Variants in NRG3 observed in about 807,000 individuals in gnomAD.
NRG3 encodes pro-neuregulin-3, membrane-bound isoform.
Under a neutral mutation model 66.9 loss-of-function variants are expected in NRG3, and 31 were observed. That is an observed-to-expected ratio of 0.46 (90% CI 0.35 to 0.63). NRG3 has a LOEUF of 0.63. Ranked by LOEUF, NRG3 falls within the 20% of genes least tolerant of loss-of-function variation. NRG3 has a pLI of 0.00. For missense variants in NRG3, 910 were observed against 878.9 expected (o/e 1.04, Z -0.45); for synonymous variants, 393 against 359.4 (o/e 1.09, Z -1.06).
intron 1 of NRG3, among the ~76,000 whole-genome samples, chr10:82,233,994 T>C (rs117966994): frequency 0.04 from 6,098 of 152,176 alleles, 157 homozygotes; most frequent in Non-Finnish European, 0.064. Context: ...CCCATCATAT[T>C]CTCCACATTT....
At chr10:81,996,133 G>A (rs1161447897) in intron 1 of NRG3, among the ~76,000 whole-genome samples, 1 of 152,166 alleles carries the variant, frequency 6.6e-6, no homozygotes, top group African/African-American at 2.4e-5. Context: ...ATATCACATA[G>A]TGTGTTAGCT....
At position 82,802,427 on chromosome 10, in the gene NRG3, G is replaced by A. The variant is rs555837926; in HGVS notation, c.1028-62984G>A. ...GAAAACAAACATGCTGATCAAGGGG[G>A]TCAAATTGGTGAGCTCAGGTTTAAT... is the stretch of plus-strand genomic sequence containing the variant. On this transcript the variant is annotated intron_variant, in intron 3 of 8. Transcript: ENST00000372141. 9.2e-5 allele frequency among the ~76,000 whole-genome samples: 14 copies of A among 152,248 alleles called. No homozygotes were observed. In the East Asian group the frequency reaches 2.7e-3, roughly 29 times the overall value.
At chr10:82,343,174 C>T (rs1385772265) in intron 1 of NRG3, among the ~76,000 whole-genome samples, 2 of 151,882 alleles carry the variant, frequency 1.3e-5, no homozygotes, top group African/African-American at 4.8e-5. Flanking sequence ...ATAAATGGTA[C>T]AGAATGGAGA....
At chr10:82,088,015 A>G (rs977887850) in intron 1 of NRG3, among the ~76,000 whole-genome samples, 2 of 152,120 alleles carry the variant, frequency 1.3e-5, no homozygotes, top group African/African-American at 4.8e-5. Context: ...CCTGTCCTCA[A>G]CTTGCTCTTC....
rs2073453167 is a variant in NRG3, at chr10:82,181,986, CT to C, written c.824-176748del. 2.0e-5 allele frequency among the ~76,000 whole-genome samples: 3 copies of C among 151,436 alleles called. No individual in the cohort carries two copies. In the South Asian group the frequency reaches 6.3e-4, roughly 32 times the overall value. ...TGTTATATCATCTTGGTGAATTGAC[CT>C]TTTTATCATTATATAATATCCTTGC... On this transcript the variant is annotated intron_variant, in intron 1 of 8. Transcript: ENST00000372141.
At chr10:82,639,236 C>G (rs1287541809) in intron 2 of NRG3, among the ~76,000 whole-genome samples, 1 of 151,960 alleles carries the variant, frequency 6.6e-6, no homozygotes, top group African/African-American at 2.4e-5. Flanking sequence ...CTAGTGAGAT[C>G]TCTGTGCTGC....
intron 1 of NRG3, among the ~76,000 whole-genome samples, chr10:82,257,812 A>G (rs913828473): frequency 6.6e-6 from 1 of 152,210 alleles, no homozygotes; most frequent in South Asian, 2.1e-4. Flanking sequence ...TGTCTATCTA[A>G]CAAAATAAAA....
chr10:81,930,717 G>C (rs547247413), intron 1 of NRG3, among the ~76,000 whole-genome samples: 1 of 152,264 alleles, frequency 6.6e-6, no homozygotes, highest in South Asian at 2.1e-4. Flanking sequence ...GTTGTGGAGA[G>C]GGGAGAAGGT....
intron 2 of NRG3, among the ~76,000 whole-genome samples, chr10:82,449,477 G>C (rs1029570563): frequency 1.3e-5 from 2 of 152,160 alleles, no homozygotes; most frequent in African/African-American, 4.8e-5. Flanking sequence ...GCTTGCGGCT[G>C]GTCTGGCTTC....
chr10:82,639,391 C>G (rs1336612903), intron 2 of NRG3, among the ~76,000 whole-genome samples: 2 of 152,140 alleles, frequency 1.3e-5, no homozygotes, highest in Non-Finnish European at 2.9e-5. Flanking sequence ...CCTTTTAATA[C>G]CACCACCTGG....
At chr10:81,918,974 A>C (rs200427363) in intron 1 of NRG3, among the ~76,000 whole-genome samples, 29,136 of 150,060 alleles carry the variant, frequency 0.19, 3,616 homozygotes, top group East Asian at 0.44. Context: ...ATCATAACAA[A>C]ACACACACAC....
intron 3 of NRG3, among the ~76,000 whole-genome samples, chr10:82,769,351 A>G (rs2059629696): frequency 6.6e-6 from 1 of 152,080 alleles, no homozygotes; most frequent in Non-Finnish European, 1.5e-5. Context: ...TGATATCTTG[A>G]GAAAATATAC....
chr10:82,250,067 GAATGAAGCT>G (rs1318191869), intron 1 of NRG3, among the ~76,000 whole-genome samples: 3 of 152,094 alleles, frequency 2.0e-5, no homozygotes, highest in Non-Finnish European at 4.4e-5. Context: ...GCCACACAGT[GAATGAAGCT>G]AAACTCCTGT....
At chr10:82,640,097 G>A (rs2133804211) in intron 2 of NRG3, among the ~76,000 whole-genome samples, 1 of 152,272 alleles carries the variant, frequency 6.6e-6, no homozygotes, top group Middle Eastern at 3.4e-3. Flanking sequence ...CAGAGGACAA[G>A]ATTGTATTCT....
chr10:82,960,376 C>CTA (rs943048523), intron 6 of NRG3, among the ~76,000 whole-genome samples: 93 of 151,168 alleles, frequency 6.2e-4, no homozygotes, highest in Non-Finnish European at 2.1e-4. Flanking sequence ...AAGCCAGACA[C>CTA]TAGTTAAAGT....
intron 1 of NRG3, among the ~76,000 whole-genome samples, chr10:82,137,371 G>C (rs1334891618): frequency 6.6e-6 from 1 of 152,086 alleles, no homozygotes; most frequent in Non-Finnish European, 1.5e-5. Flanking sequence ...ACTAAATGCA[G>C]GTGATGTTAT....
chr10:81,955,893 C>A (rs910780014), intron 1 of NRG3, among the ~76,000 whole-genome samples: 3 of 152,168 alleles, frequency 2.0e-5, no homozygotes, highest in Non-Finnish European at 4.4e-5. Flanking sequence ...GTGTAATAGA[C>A]ACCGTAAGCT....
chr10:82,217,889 C>A (rs1482028894), intron 1 of NRG3, among the ~76,000 whole-genome samples: 1 of 152,028 alleles, frequency 6.6e-6, no homozygotes, highest in Admixed American at 6.6e-5. Flanking sequence ...CTCAAAAGGC[C>A]TATCTTATTT....
At chr10:82,248,203 G>A (rs868186169) in intron 1 of NRG3, among the ~76,000 whole-genome samples, 1 of 152,076 alleles carries the variant, frequency 6.6e-6, no homozygotes, top group Non-Finnish European at 1.5e-5. Context: ...ATTCTAATCT[G>A]CTTTGACTTT....
Sources: gnomAD v4.1 joint callset for allele counts (sites outside exome capture counted in the v4.1 genomes callset) on GRCh38, gnomAD v4.1.1 for gene constraint, MANE v1.5 for transcripts, NCBI Gene and HGNC (gene_info 2026-07-23, HGNC 2026-07-21) for gene names.